The following GOLGB1 variants were observed in gnomAD, a reference collection of about 807,000 sequenced individuals.
The protein encoded by GOLGB1 is golgin B1.
GOLGB1 carries 174 observed loss-of-function variants against 336.9 expected under a neutral mutation model. The ratio of observed to expected loss-of-function variants is 0.52; its 90% CI spans 0.46 to 0.59. The LOEUF (loss-of-function observed/expected upper bound fraction) is 0.59. Among genes scored for constraint, GOLGB1 ranks in the 20% least tolerant of loss-of-function variants. The pLI is 0.00. For synonymous variants in GOLGB1, 1,208 were observed against 1,289.2 expected (o/e 0.94, Z 1.35); for missense variants, 3,331 against 3,645.3 (o/e 0.91, Z 2.22).
At chr3:121,749,200 C>CT (rs1316589075) in intron 1 of GOLGB1, 1 of 152,272 alleles carries the variant, frequency 6.6e-6, no homozygotes, top group East Asian at 1.9e-4. Flanking sequence ...CTTCGGGACA[C>CT]CAAGTTTGTT....
intron 2 of GOLGB1, 174 bp from the exon 3 acceptor site, chr3:121,730,191 T>C (rs1316966554): frequency 4.1e-6 from 2 of 485,494 alleles, no homozygotes; most frequent in Non-Finnish European, 7.2e-6. Flanking sequence ...TATTAAGTAT[T>C]TTATAAATGT....
In GOLGB1 at chr3:121,698,307, T is replaced by C; in HGVS notation, c.2216A>G (p.Asn739Ser). The part of the protein sequence containing the change: ...LIEEFKKNAD[N>S]NSSAFTALSE... ...CAAAGCAGTGAATGCACTGCTGTTG[T>C]TGTCAGCATTTTTCTTAAACTCCTC... is the stretch of plus-strand genomic sequence containing the variant. Residue 739 changes from asparagine to serine, a missense_variant, in exon 13 of 22, where the codon AAC becomes AGC. Asn to Ser is a conservative substitution (Grantham distance 46). Coordinates refer to ENST00000614479, the MANE Select transcript of GOLGB1 (RefSeq NM_001366282.2). 6.2e-7 allele frequency: 1 copy of C among 1,613,992 alleles called. No homozygotes were observed. The highest frequency in any genetic ancestry group is 8.5e-7 in the Non-Finnish European group (1 of 1,179,876).
At chr3:121,742,270 C>T (rs1489598551) in intron 1 of GOLGB1, among the ~76,000 whole-genome samples, 9 of 152,128 alleles carry the variant, frequency 5.9e-5, no homozygotes, top group Non-Finnish European at 1.3e-4. Flanking sequence ...AAAACACATA[C>T]ATAGACCAAT....
At chr3:121,701,587 C>T (rs986536133) in intron 11 of GOLGB1, among the ~76,000 whole-genome samples, 4 of 152,062 alleles carry the variant, frequency 2.6e-5, no homozygotes, top group Non-Finnish European at 4.4e-5. Context: ...ATTAACGACA[C>T]GCTACTAAAT....
chr3:121,670,208 G>T (rs986798256), intron 17 of GOLGB1, among the ~76,000 whole-genome samples: 2 of 152,176 alleles, frequency 1.3e-5, no homozygotes, highest in African/African-American at 2.4e-5. Flanking sequence ...TTTTAGCTGT[G>T]ATTAGCCTCC....
At position 121,696,867 on chromosome 3, in the gene GOLGB1, C is replaced by G. The variant is rs144385283; in HGVS notation, c.3656G>C (p.Arg1219Pro). The G allele has an allele frequency of 9.5e-3, 15,408 of 1,614,108 alleles. 105 individuals are homozygous for G. Among genetic ancestry groups the G allele is most frequent in the Non-Finnish European group, 0.012 (14,110 of 1,179,976 alleles). ...ELKQQKDDYN[R>P]LQEQFDEQSK... ...TTGCTCATCAAACTGTTCTTGCAAG[C>G]GATTATAGTCATCTTTCTGTTGCTT... The change falls in exon 13 of 22, where the codon CGC becomes CCC. Residue 1219 changes from arginine (R) to proline (P), a missense_variant. Coordinates refer to ENST00000614479, the MANE Select transcript of GOLGB1 (RefSeq NM_001366282.2).
chr3:121,688,286 CCT>C (rs1471938583), intron 14 of GOLGB1, among the ~76,000 whole-genome samples: 1 of 152,230 alleles, frequency 6.6e-6, no homozygotes, highest in Non-Finnish European at 1.5e-5. Context: ...AACCTCCCTC[CCT>C]GATTCTTCTG....
In GOLGB1 at chr3:121,698,316, T is replaced by C; in HGVS notation, c.2207A>G (p.Asn736Ser). The change falls in exon 13 of 22, where the codon AAT becomes AGT. Residue 736 changes from asparagine (N) to serine (S), a missense_variant. Asn to Ser is a conservative substitution (Grantham distance 46). Coordinates refer to ENST00000614479, the MANE Select transcript of GOLGB1 (RefSeq NM_001366282.2). ...LNQLIEEFKKNADNNSSAFTA... is the reference protein window; with the variant it reads ...LNQLIEEFKKSADNNSSAFTA... The stretch of plus-strand genomic sequence containing the variant: ...GAATGCACTGCTGTTGTTGTCAGCA[T>C]TTTTCTTAAACTCCTCAATCAACTG... 6.2e-7 allele frequency: 1 copy of C among 1,613,984 alleles called. No individual in the cohort carries two copies. The highest frequency in any genetic ancestry group is 1.1e-5 in the South Asian group (1 of 91,066).
chr3:121,719,801 T>G (rs981537944), intron 6 of GOLGB1, 33 bp from the exon 7 acceptor site: 2 of 1,561,428 alleles, frequency 1.3e-6, no homozygotes, highest in Admixed American at 1.9e-5. Context: ...CTATGCAAGT[T>G]ACACTCCCCG....
chr3:121,695,036 A>G lies in GOLGB1; in HGVS notation c.5487T>C (p.Ala1829=). 1 of 1,614,122 alleles carries G rather than the reference A, an allele frequency of 6.2e-7. No individual in the cohort carries two copies. Among genetic ancestry groups the G allele is most frequent in the Non-Finnish European group, 8.5e-7 (1 of 1,179,980 alleles). Residue 1829 remains alanine (A), a synonymous_variant, in exon 13 of 22, where the codon GCT becomes GCC. Transcript: ENST00000614479. ...CATGTGAGCTGAAATCCTTACTTAC[A>G]GCAGGGTTGGCACTCTTCGCTGATG... is the stretch of plus-strand genomic sequence containing the variant. ...SVPSAKSANP[A]VSKDFSSHDE... is the part of the protein sequence containing the mutation.
intron 1 of GOLGB1, among the ~76,000 whole-genome samples, chr3:121,745,281 T>C (rs1947173926): frequency 7.0e-6 from 1 of 142,514 alleles, no homozygotes; most frequent in South Asian, 2.2e-4. Flanking sequence ...TATATGTATA[T>C]ATACATATGT....
rs766532767 is a variant in GOLGB1, at chr3:121,692,473, C to T, written c.6891G>A (p.Gln2297=). The T allele has an allele frequency of 6.2e-7, 1 of 1,614,026 alleles. No homozygotes were observed. Among genetic ancestry groups the T allele is most frequent in the Middle Eastern group, 1.6e-4 (1 of 6,062 alleles). ...GGTATAGGTGGCGTGTCTCTTCTAG[C>T]TGGGACAAAAGTTCTTTGTTTTCCC... is the stretch of plus-strand genomic sequence containing the variant. ...LQGENKELLS[Q]LEETRHLYHS... Residue 2297 remains glutamine, a synonymous_variant, in exon 14 of 22, where the codon CAG becomes CAA. Transcript: ENST00000614479.
At chr3:121,730,178 A>G in intron 2 of GOLGB1, 161 bp from the exon 3 acceptor site, 1 of 548,586 alleles carries the variant, frequency 1.8e-6, no homozygotes, top group Non-Finnish European at 3.2e-6. Context: ...AGCCATTACA[A>G]TATATTAAGT....
At chr3:121,729,390 T>C (rs752242933) in intron 3 of GOLGB1, 50 bp from the exon 4 acceptor site, 2 of 1,382,136 alleles carry the variant, frequency 1.4e-6, no homozygotes, top group Non-Finnish European at 1.0e-6. Context: ...TCCCCTCTTA[T>C]CTAGCACATA....
chr3:121,671,504 T>A (rs550446769), intron 17 of GOLGB1, among the ~76,000 whole-genome samples: 24 of 152,310 alleles, frequency 1.6e-4, no homozygotes, highest in South Asian at 6.2e-4. Flanking sequence ...ACTTAAAAAA[T>A]TTTTTAATTC....
Position 121,689,156 on chromosome 3 carries a change from G to A in GOLGB1, c.8694+1514C>T, listed in dbSNP as rs575275058. On this transcript the variant is annotated intron_variant, in intron 14 of 21. Transcript: ENST00000614479. ...CCACCCCGTCTGGGAGGTGTACCCAGCAGCTCATTGAGAACGGGCCATGAT... is the reference window on the plus strand; with the variant it reads ...CCACCCCGTCTGGGAGGTGTACCCAACAGCTCATTGAGAACGGGCCATGAT... Among the ~76,000 whole-genome samples the A allele has an allele frequency of 1.1e-3, 162 of 149,624 alleles. 2 individuals are homozygous for A. The highest frequency in any genetic ancestry group is 1.6e-3 in the Non-Finnish European group (108 of 67,128).
At chr3:121,731,333 T>C (rs1192784775) in intron 1 of GOLGB1, among the ~76,000 whole-genome samples, 2 of 152,140 alleles carry the variant, frequency 1.3e-5, no homozygotes, top group Non-Finnish European at 2.9e-5. Context: ...TTCATAGTAG[T>C]TTCACTTACA....
Position 121,693,564 on chromosome 3 carries a change from T to C in GOLGB1, c.6782+177A>G, listed in dbSNP as rs1341474790. Among the ~76,000 whole-genome samples the C allele has an allele frequency of 3.3e-5, 5 of 152,194 alleles. No individual in the cohort carries two copies. In the East Asian group the frequency reaches 7.7e-4, roughly 23 times the overall value. The stretch of plus-strand genomic sequence containing the variant: ...AGAAGATGCGAACTTTTCATGTTCA[T>C]GCAGTTGTAGCAGGATTGTTGTTTG... On this transcript the variant is annotated intron_variant, in intron 13 of 21. Transcript: ENST00000614479.
chr3:121,708,394 G>A (rs145687802), intron 10 of GOLGB1, among the ~76,000 whole-genome samples: 18 of 152,190 alleles, frequency 1.2e-4, no homozygotes, highest in African/African-American at 4.1e-4. Context: ...CACTTCGGGA[G>A]ACAAAGGCAG....
Sources: allele counts gnomAD v4.1 joint callset (sites outside exome capture counted in the v4.1 genomes callset), GRCh38; gene constraint gnomAD v4.1.1; transcripts MANE v1.5; gene names NCBI Gene and HGNC (gene_info 2026-07-23, HGNC 2026-07-21).